The following CAMTA1 variants were observed in gnomAD, a reference collection of about 807,000 sequenced individuals.
CAMTA1 encodes the protein calmodulin-binding transcription activator 1.
CAMTA1 carries 27 observed loss-of-function variants against 170.9 expected under a neutral mutation model. The ratio of observed to expected loss-of-function variants is 0.16; its 90% CI spans 0.12 to 0.22. The LOEUF is 0.22. CAMTA1 is among the 10% of genes least tolerant of loss of function. The pLI, the probability that CAMTA1 is intolerant of heterozygous loss-of-function variation, is 1.00. For missense variants in CAMTA1, 1,619 were observed against 2,217.2 expected (o/e 0.73, Z 5.42); for synonymous variants, 833 against 891.5 (o/e 0.93, Z 1.17).
chr1:7,363,746 G>A (rs1440952757), intron 5 of CAMTA1, among the ~76,000 whole-genome samples: 4 of 152,184 alleles, frequency 2.6e-5, no homozygotes, highest in Admixed American at 2.6e-4. Context: ...GCTGACCCCA[G>A]CAAGGACTCT....
At chr1:7,335,140 G>GTGTGTGTGTGTGT (rs781434178) in intron 5 of CAMTA1, among the ~76,000 whole-genome samples, 17 of 61,544 alleles carry the variant, frequency 2.8e-4, no homozygotes, top group Admixed American at 3.9e-4. Flanking sequence ...GTGTGTGTGT[G>GTGTGTGTGTGTGT]GGGGGGGGGG....
chr1:7,170,769 A>T (rs1649437540), intron 4 of CAMTA1, among the ~76,000 whole-genome samples: 1 of 152,184 alleles, frequency 6.6e-6, no homozygotes, highest in South Asian at 2.1e-4. Context: ...ATTTCCAAAC[A>T]TATAGGGTTT....
At chr1:6,860,260 T>A (rs1321381270) in intron 3 of CAMTA1, among the ~76,000 whole-genome samples, 2 of 152,236 alleles carry the variant, frequency 1.3e-5, no homozygotes, top group Non-Finnish European at 2.9e-5. Context: ...CACCAGTAAT[T>A]AAGTATTCTC....
intron 6 of CAMTA1, among the ~76,000 whole-genome samples, chr1:7,521,978 G>A (rs1395507683): frequency 2.0e-5 from 3 of 152,230 alleles, no homozygotes; most frequent in Admixed American, 2.0e-4. Context: ...AAGCTGCTGT[G>A]AACATCACAT....
Position 7,050,456 on chromosome 1 carries a change from G to A in CAMTA1, c.235-40848G>A, listed in dbSNP as rs1246014229. The stretch of plus-strand genomic sequence containing the variant: ...GCCACTCTGGGTCCCGACCGGGTGT[G>A]GGTTCAGATGAAGACTCTCAAACAG... On this transcript the variant is annotated intron_variant, in intron 3 of 22. Coordinates refer to ENST00000303635, the MANE Select transcript of CAMTA1 (RefSeq NM_015215.4). The surrounding 1 kb of genome is among the most constrained non-coding windows in gnomAD (Gnocchi z 4.8). Among the ~76,000 whole-genome samples, 1 of 152,148 alleles carries A rather than the reference G, an allele frequency of 6.6e-6. No homozygotes were observed. The highest frequency in any genetic ancestry group is 1.5e-5 in the Non-Finnish European group (1 of 68,018).
chr1:7,337,391 C>T (rs891339929), intron 5 of CAMTA1, among the ~76,000 whole-genome samples: 2 of 152,214 alleles, frequency 1.3e-5, no homozygotes, highest in Non-Finnish European at 2.9e-5. Context: ...ACACCAGTCC[C>T]GATGTCTCTG....
intron 3 of CAMTA1, among the ~76,000 whole-genome samples, chr1:7,060,029 C>T (rs1004936856): frequency 6.6e-6 from 1 of 152,186 alleles, no homozygotes; most frequent in African/African-American, 2.4e-5. Flanking sequence ...GCCCCAGATC[C>T]CTTGGGACTT....
At chr1:7,613,698 G>T (rs1446939613) in intron 6 of CAMTA1, among the ~76,000 whole-genome samples, 1 of 151,602 alleles carries the variant, frequency 6.6e-6, no homozygotes, top group Non-Finnish European at 1.5e-5. Flanking sequence ...ACACTGCATG[G>T]CTCTCAGCCT....
At chr1:7,572,819 G>A (rs1050575553) in intron 6 of CAMTA1, among the ~76,000 whole-genome samples, 2 of 152,188 alleles carry the variant, frequency 1.3e-5, no homozygotes, top group Non-Finnish European at 2.9e-5. Flanking sequence ...AAAGACAGAA[G>A]GGAAATGGAA....
At chr1:6,863,520 A>C (rs556230249) in intron 3 of CAMTA1, among the ~76,000 whole-genome samples, 2 of 152,274 alleles carry the variant, frequency 1.3e-5, no homozygotes, top group South Asian at 4.2e-4. Flanking sequence ...CTCCAGCCTC[A>C]TGTCTGAGAT....
At chr1:7,485,221 G>A (rs1334089643) in intron 6 of CAMTA1, among the ~76,000 whole-genome samples, 3 of 152,262 alleles carry the variant, frequency 2.0e-5, no homozygotes, top group African/African-American at 7.2e-5. Flanking sequence ...CGGCCCTTGT[G>A]CGCGCATTAC....
At chr1:7,011,777 C>T (rs764735270) in intron 3 of CAMTA1, among the ~76,000 whole-genome samples, 1 of 152,218 alleles carries the variant, frequency 6.6e-6, no homozygotes, top group East Asian at 1.9e-4. Flanking sequence ...ACTGGTGTGT[C>T]CGCAGTGCCA....
At position 7,144,117 on chromosome 1, in the gene CAMTA1, A is replaced by G. The variant is rs1027610364; in HGVS notation, c.302+52746A>G. On this transcript the variant is annotated intron_variant, in intron 4 of 22. Transcript: ENST00000303635. The surrounding 1 kb of genome is among the most constrained non-coding windows in gnomAD (Gnocchi z 4.0). ...TTAAACAACAGACATTTATTTTCTT[A>G]TGTTCTGGAGGCTGGAAGTCTGAGA... is the stretch of plus-strand genomic sequence containing the variant. Among the ~76,000 whole-genome samples, 10 of 152,078 alleles carry G rather than the reference A, an allele frequency of 6.6e-5. No homozygotes were observed. The highest frequency in any genetic ancestry group is 2.2e-4 in the African/African-American group (9 of 41,400).
At chr1:7,410,965 GTGTA>G (rs1214554846) in intron 5 of CAMTA1, among the ~76,000 whole-genome samples, 3 of 150,830 alleles carry the variant, frequency 2.0e-5, no homozygotes, top group African/African-American at 2.5e-5. Context: ...ATGTCTGTGT[GTGTA>G]TGTGTGTGTA....
intron 3 of CAMTA1, among the ~76,000 whole-genome samples, chr1:7,061,424 G>A (rs919716712): frequency 1.3e-5 from 2 of 152,196 alleles, no homozygotes; most frequent in Admixed American, 6.5e-5. Flanking sequence ...CCCATGCTGC[G>A]CTGGCCTGCA....
chr1:7,694,294 G>A (rs1009658964), intron 11 of CAMTA1: 2 of 152,116 alleles, frequency 1.3e-5, no homozygotes, highest in African/African-American at 4.8e-5. Context: ...GCAGTTCTCT[G>A]GGGACAAAGA....
chr1:7,069,923 A>C (rs753767660), intron 3 of CAMTA1, among the ~76,000 whole-genome samples: 4 of 152,254 alleles, frequency 2.6e-5, no homozygotes, highest in Non-Finnish European at 5.9e-5. Context: ...GAGACTTATA[A>C]AGCCCGGCAC....
intron 2 of CAMTA1, 84 bp from the exon 3 acceptor site, chr1:6,825,008 G>C: frequency 1.4e-6 from 1 of 732,726 alleles, no homozygotes; most frequent in Non-Finnish European, 2.3e-6. Context: ...ACTAAACTGA[G>C]CTGCTATTTC....
chr1:7,114,359 C>T (rs1209042211), intron 4 of CAMTA1, among the ~76,000 whole-genome samples: 1 of 150,746 alleles, frequency 6.6e-6, no homozygotes, highest in Non-Finnish European at 1.5e-5. Flanking sequence ...CACGGGTGTC[C>T]AATCTTTTGG....
Sources: gnomAD v4.1 joint callset for allele counts (sites outside exome capture counted in the v4.1 genomes callset) on GRCh38, gnomAD v4.1.1 for gene constraint, Gnocchi (gnomAD v3.1) non-coding constraint, MANE v1.5 for transcripts, NCBI Gene and HGNC (gene_info 2026-07-23, HGNC 2026-07-21) for gene names.